SAMD5: variants seen among roughly 807,000 people sequenced by gnomAD.
SAMD5 encodes sterile alpha motif domain containing 5, also known as sterile alpha motif domain-containing protein 5.
Under a neutral mutation model 11.3 loss-of-function variants are expected in SAMD5, and 13 were observed. The ratio of observed to expected loss-of-function variants is 1.15; its 90% CI spans 0.75 to 1.83. The LOEUF is 1.83. SAMD5 is among the 40% of genes most tolerant of loss of function. SAMD5 has a pLI of 0.00. For synonymous variants in SAMD5, 129 were observed against 111.3 expected (o/e 1.16, Z -1.00); for missense variants, 255 against 239.1 (o/e 1.07, Z -0.44).
At chr6:147,901,880 T>C in the SAMD5 span, among the ~76,000 whole-genome samples, 17 of 152,318 alleles carry the variant, frequency 1.1e-4, no homozygotes, top group South Asian at 2.7e-3. Flanking sequence ...CCTGTTCCAC[T>C]TCCTTAGTTT....
chr6:147,675,119 C>CA lies in SAMD5; in HGVS notation c.163-62192dup, dbSNP rs529699098. On this transcript the variant is annotated intron_variant, in intron 1 of 1. Coordinates refer to the SAMD5 transcript ENST00000566741. The stretch of plus-strand genomic sequence containing the variant: ...CTCATGTATTGCCCCACAGCTTTGA[C>CA]AAAAAACCCTCAAAGACATAAAAAC... Among the ~76,000 whole-genome samples the CA allele has an allele frequency of 2.8e-4, 42 of 152,144 alleles. No individual in the cohort carries two copies. In the South Asian group the frequency reaches 8.7e-3, roughly 32 times the overall value.
Position 147,569,269 on chromosome 6 carries a change from T to C in SAMD5, c.*4813T>C. The C allele has an allele frequency of 5.1e-6, 2 of 389,124 alleles. No individual in the cohort carries two copies. The highest frequency in any genetic ancestry group is 2.2e-5 in the African/African-American group (1 of 45,988). The allele number at this position is 389,124 out of a possible 1,614,324, so 24.1% of individuals were successfully genotyped here. On this transcript the variant is annotated 3_prime_UTR_variant, in exon 2 of 2. Coordinates refer to ENST00000367474, the MANE Select transcript of SAMD5 (RefSeq NM_001030060.3). Reference sequence around the variant, plus strand: ...AAAAGAAAAATTGAAGAACATAACTTTTCTACTTATGAAATAGATAATTTT... The same window carrying C: ...AAAAGAAAAATTGAAGAACATAACTCTTCTACTTATGAAATAGATAATTTT...
the SAMD5 span, among the ~76,000 whole-genome samples, chr6:147,916,454 G>A: frequency 1.3e-5 from 2 of 152,152 alleles, no homozygotes; most frequent in Non-Finnish European, 2.9e-5. Context: ...TCTAACAGGT[G>A]TGAGATGGTA....
At chr6:147,574,450 C>A (rs1789185004), downstream of SAMD5, among the ~76,000 whole-genome samples, 1 of 152,078 alleles carries the variant, frequency 6.6e-6, no homozygotes, top group Non-Finnish European at 1.5e-5. Flanking sequence ...AATGCAGAAT[C>A]AAATGTAAGG....
chr6:147,617,778 A>C (rs191826880), intron 1 of SAMD5, among the ~76,000 whole-genome samples: 1 of 152,344 alleles, frequency 6.6e-6, no homozygotes, highest in East Asian at 1.9e-4. Context: ...AAATACTTCC[A>C]ATGGCATCCA....
At chr6:147,598,979 G>T (rs745498773) in intron 1 of SAMD5, among the ~76,000 whole-genome samples, 5 of 152,222 alleles carry the variant, frequency 3.3e-5, no homozygotes, top group Non-Finnish European at 5.9e-5. Flanking sequence ...CAGGAGAGTT[G>T]TTCAGTAATG....
At chr6:147,768,565 TAAC>T in the SAMD5 span, among the ~76,000 whole-genome samples, 1 of 152,068 alleles carries the variant, frequency 6.6e-6, no homozygotes, top group African/African-American at 2.4e-5. Flanking sequence ...GTGACAATAA[TAAC>T]AATAATGGTA....
chr6:147,716,145 G>A (rs1052016855), intron 1 of SAMD5, among the ~76,000 whole-genome samples: 1 of 152,176 alleles, frequency 6.6e-6, no homozygotes, highest in Admixed American at 6.5e-5. Flanking sequence ...TCCTGTCAAA[G>A]GGTGCCTGCA....
chr6:147,790,270 A>G, the SAMD5 span, among the ~76,000 whole-genome samples: 1 of 152,234 alleles, frequency 6.6e-6, no homozygotes, highest in African/African-American at 2.4e-5. Flanking sequence ...ATCCATAGAG[A>G]TGAATCTCAA....
At chr6:147,670,376 G>A (rs1362623072) in intron 1 of SAMD5, among the ~76,000 whole-genome samples, 2 of 152,208 alleles carry the variant, frequency 1.3e-5, no homozygotes, top group African/African-American at 2.4e-5. Context: ...AGCAGCATTA[G>A]TCCCTAACAA....
intron 1 of SAMD5, among the ~76,000 whole-genome samples, chr6:147,558,455 C>A (rs933494831): frequency 1.3e-5 from 2 of 152,086 alleles, no homozygotes; most frequent in Non-Finnish European, 2.9e-5. Context: ...GGATGGTATT[C>A]GGAGAACCTG....
chr6:147,798,076 G>T, the SAMD5 span, among the ~76,000 whole-genome samples: 14 of 147,068 alleles, frequency 9.5e-5, no homozygotes, highest in Admixed American at 9.5e-4. Flanking sequence ...CTTCAGTTCT[G>T]CTCTGATTTT....
At chr6:147,937,105 A>G in the SAMD5 span, among the ~76,000 whole-genome samples, 1 of 152,308 alleles carries the variant, frequency 6.6e-6, no homozygotes, top group East Asian at 1.9e-4. Context: ...TTAATCCTCA[A>G]CAACTGAGAT....
intron 1 of SAMD5, among the ~76,000 whole-genome samples, chr6:147,575,342 G>T (rs1298016294): frequency 6.6e-6 from 1 of 152,226 alleles, no homozygotes; most frequent in East Asian, 1.9e-4. Flanking sequence ...CTCCCCAGAA[G>T]CTGTCTGCAG....
At chr6:147,655,810 A>G (rs1199770203) in intron 1 of SAMD5, among the ~76,000 whole-genome samples, 1 of 152,198 alleles carries the variant, frequency 6.6e-6, no homozygotes. Flanking sequence ...TGTGACAATT[A>G]AAACAATATA....
At chr6:147,845,175 A>G in the SAMD5 span, among the ~76,000 whole-genome samples, 6 of 152,112 alleles carry the variant, frequency 3.9e-5, no homozygotes, top group East Asian at 1.9e-4. Flanking sequence ...CTTTTCAACA[A>G]TGATCTTGGA....
chr6:147,651,124 T>C (rs1417329103), intron 1 of SAMD5, among the ~76,000 whole-genome samples: 1 of 152,212 alleles, frequency 6.6e-6, no homozygotes, highest in Non-Finnish European at 1.5e-5. Context: ...TCAGAATGTA[T>C]TGTCCAAAGG....
the SAMD5 span, among the ~76,000 whole-genome samples, chr6:147,787,175 T>C: frequency 6.6e-6 from 1 of 152,168 alleles, no homozygotes; most frequent in East Asian, 1.9e-4. Context: ...AAGAGTTTTG[T>C]TACAGAAATC....
chr6:147,853,940 C>A, the SAMD5 span, among the ~76,000 whole-genome samples: 3 of 152,088 alleles, frequency 2.0e-5, no homozygotes, highest in Admixed American at 1.3e-4. Flanking sequence ...TTAAAAAAAT[C>A]AATTCCCATT....
Sources: allele counts gnomAD v4.1 joint callset (sites outside exome capture counted in the v4.1 genomes callset), GRCh38; gene constraint gnomAD v4.1.1; transcripts MANE v1.5; gene names NCBI Gene and HGNC (gene_info 2026-07-23, HGNC 2026-07-21).